Variants in PLCB4 observed in about 807,000 individuals in gnomAD.
The protein encoded by PLCB4 is phospholipase C beta 4.
Under a neutral mutation model 178.8 loss-of-function variants are expected in PLCB4, and 77 were observed. The ratio of observed to expected loss-of-function variants is 0.43; its 90% CI spans 0.36 to 0.52. The LOEUF is 0.52. Among genes scored for constraint, PLCB4 ranks in the 20% least tolerant of loss-of-function variants. PLCB4 has a pLI of 0.00. For missense variants in PLCB4, 1,024 were observed against 1,453.4 expected (o/e 0.70, Z 4.80); for synonymous variants, 496 against 490.8 (o/e 1.01, Z -0.14).
intron 1 of PLCB4, among the ~76,000 whole-genome samples, chr20:9,075,017 A>C (rs2089780586): frequency 6.6e-6 from 1 of 152,020 alleles, no homozygotes; most frequent in African/African-American, 2.4e-5. Flanking sequence ...AACAAAATAA[A>C]ACAACAGACA....
intron 30 of PLCB4, 146 bp from the exon 31 acceptor site, chr20:9,443,835 A>G (rs1007605354): frequency 8.9e-6 from 5 of 561,258 alleles, no homozygotes; most frequent in Middle Eastern, 4.8e-4. Flanking sequence ...ATTGCTTTGT[A>G]ATAGGAACTT....
At position 9,478,930 on chromosome 20, in the gene PLCB4, A is replaced by T. The variant is rs750491516; in HGVS notation, c.3542A>T (p.Asp1181Val). 1.2e-6 allele frequency: 2 copies of T among 1,613,158 alleles called. No homozygotes were observed. The highest frequency in any genetic ancestry group is 1.7e-6 in the Non-Finnish European group (2 of 1,179,220). Residue 1181 changes from aspartate to valine, a missense_variant, in exon 40 of 40, where the codon GAT (aspartate) becomes GTT (valine). Physicochemically the swap from Asp to Val is radical, Grantham distance 152. Coordinates refer to ENST00000378473, the MANE Select transcript of PLCB4 (RefSeq NM_001377142.1). ...HAVSQTQGEG[D>V]AADGEIGSRD... is the part of the protein sequence containing the mutation. ...GTTTCTGATGTTATAGGCGAAGGAG[A>T]TGCAGCAGATGGTGAAATTGGAAGC...
chr20:9,236,931 T>C (rs993635241), intron 3 of PLCB4, among the ~76,000 whole-genome samples: 4 of 152,202 alleles, frequency 2.6e-5, no homozygotes, highest in Non-Finnish European at 1.5e-5. Flanking sequence ...TCTTGTTATG[T>C]GTTGAACACA....
At chr20:9,310,499 A>G (rs1224242389) in intron 4 of PLCB4, among the ~76,000 whole-genome samples, 2 of 152,278 alleles carry the variant, frequency 1.3e-5, no homozygotes, top group Non-Finnish European at 2.9e-5. Flanking sequence ...TCAGTAGGTC[A>G]GGAGATTGAG....
At chr20:9,189,703 G>T (rs995839887) in intron 2 of PLCB4, among the ~76,000 whole-genome samples, 1 of 152,174 alleles carries the variant, frequency 6.6e-6, no homozygotes, top group Non-Finnish European at 1.5e-5. Flanking sequence ...AGATCCAGGT[G>T]CCAGTAGACT....
intron 2 of PLCB4, among the ~76,000 whole-genome samples, chr20:9,146,293 C>T (rs2146901782): frequency 6.6e-6 from 1 of 152,120 alleles, no homozygotes; most frequent in South Asian, 2.1e-4. Context: ...TTCAGGTTCA[C>T]CTCAAATATG....
At chr20:9,167,276 AC>A (rs1348463754) in intron 2 of PLCB4, among the ~76,000 whole-genome samples, 5 of 152,148 alleles carry the variant, frequency 3.3e-5, no homozygotes, top group Non-Finnish European at 7.4e-5. Flanking sequence ...TTAAAAAAAA[AC>A]AGTCCCTTGA....
At chr20:9,101,685 ATCT>A (rs2091158054) in intron 2 of PLCB4, among the ~76,000 whole-genome samples, 1 of 152,118 alleles carries the variant, frequency 6.6e-6, no homozygotes, top group African/African-American at 2.4e-5. Flanking sequence ...ATGTGGAATC[ATCT>A]TCTTGCACTG....
intron 2 of PLCB4, among the ~76,000 whole-genome samples, chr20:9,097,606 C>T (rs2090967274): frequency 6.6e-6 from 1 of 152,108 alleles, no homozygotes; most frequent in Non-Finnish European, 1.5e-5. Flanking sequence ...GATTTAATTA[C>T]AATAACAAAT....
chr20:9,343,608 C>T lies in PLCB4; in HGVS notation c.369+4571C>T, dbSNP rs577548956. On this transcript the variant is annotated intron_variant, in intron 7 of 39. Transcript: ENST00000378473. ...ACCTTGGTAGCTCACCTTGTCTTTTCTTCAGCTTCTCTCTCTGCTTTGAGA... is the reference window on the plus strand; with the variant it reads ...ACCTTGGTAGCTCACCTTGTCTTTTTTTCAGCTTCTCTCTCTGCTTTGAGA... 9.5e-4 allele frequency among the ~76,000 whole-genome samples: 144 copies of T among 152,310 alleles called. 1 individual carries two copies. Among genetic ancestry groups the T allele is most frequent in the East Asian group, 9.6e-4 (5 of 5,182 alleles).
intron 7 of PLCB4, among the ~76,000 whole-genome samples, chr20:9,348,148 C>T (rs902861233): frequency 1.3e-5 from 2 of 152,154 alleles, no homozygotes; most frequent in African/African-American, 4.8e-5. Flanking sequence ...GAGTCAGCTA[C>T]TAGGATAGGA....
At chr20:9,323,228 C>T (rs112367257) in intron 4 of PLCB4, among the ~76,000 whole-genome samples, 3 of 152,322 alleles carry the variant, frequency 2.0e-5, no homozygotes, top group African/African-American at 7.2e-5. Flanking sequence ...TCTGTACAGT[C>T]CTCATGGTTC....
chr20:9,401,587 G>A lies in PLCB4; in HGVS notation c.1608G>A (p.Lys536=), dbSNP rs774346741. 1 of 1,599,134 alleles carries A rather than the reference G, an allele frequency of 6.3e-7. No individual in the cohort carries two copies. The highest frequency in any genetic ancestry group is 2.2e-5 in the East Asian group (1 of 44,798). ...AGGAAGCTGTTGCAAATAGCGTCAA[G>A]AAGGTCAGAGTCCCCTTTCTTTCAT... ...GHKEAVANSV[K]KASDDLEHEN... Residue 536 remains lysine, a synonymous_variant, in exon 20 of 40, where the codon AAG becomes AAA. Coordinates refer to ENST00000378473, the MANE Select transcript of PLCB4 (RefSeq NM_001377142.1).
At chr20:9,422,620 A>G (rs938946442) in intron 27 of PLCB4, among the ~76,000 whole-genome samples, 2 of 152,224 alleles carry the variant, frequency 1.3e-5, no homozygotes, top group African/African-American at 4.8e-5. Flanking sequence ...CTTAGTGTTT[A>G]TATATAATAG....
intron 35 of PLCB4, among the ~76,000 whole-genome samples, chr20:9,466,397 A>G (rs1467660088): frequency 6.6e-6 from 1 of 151,956 alleles, no homozygotes; most frequent in East Asian, 1.9e-4. Context: ...TGACTAAAAC[A>G]AAAAGCAATG....
At chr20:9,078,334 C>T (rs960139044) in intron 1 of PLCB4, among the ~76,000 whole-genome samples, 3 of 140,770 alleles carry the variant, frequency 2.1e-5, no homozygotes, top group African/African-American at 5.5e-5. Flanking sequence ...AAATTAGAAA[C>T]TATACCTTCT....
intron 2 of PLCB4, among the ~76,000 whole-genome samples, chr20:9,161,406 A>C (rs776004161): frequency 1.3e-5 from 2 of 152,222 alleles, no homozygotes; most frequent in African/African-American, 4.8e-5. Flanking sequence ...GAGAAGATGG[A>C]CAGTAGAGAG....
intron 2 of PLCB4, among the ~76,000 whole-genome samples, chr20:9,112,263 T>TG (rs2091606957): frequency 6.6e-6 from 1 of 151,496 alleles, no homozygotes; most frequent in African/African-American, 2.4e-5. Context: ...ACTCTTTTTT[T>TG]TTTTTTTTTT....
chr20:9,442,808 T>C (rs2042188809), intron 30 of PLCB4, among the ~76,000 whole-genome samples: 1 of 152,062 alleles, frequency 6.6e-6, no homozygotes, highest in Non-Finnish European at 1.5e-5. Context: ...ATGTTACAGA[T>C]CACAAGGCTG....
Sources: allele counts gnomAD v4.1 joint callset (sites outside exome capture counted in the v4.1 genomes callset), GRCh38; gene constraint gnomAD v4.1.1; transcripts MANE v1.5; gene names NCBI Gene and HGNC (gene_info 2026-07-23, HGNC 2026-07-21).